CCDC61: variants seen among roughly 807,000 people sequenced by gnomAD.
CCDC61 encodes the protein coiled-coil domain containing 61, also known as centrosomal protein CCDC61.
Under a neutral mutation model 63.0 loss-of-function variants are expected in CCDC61, and 55 were observed. The ratio of observed to expected loss-of-function variants is 0.87; its 90% CI spans 0.70 to 1.09. The LOEUF is 1.09. Among genes scored for constraint, CCDC61 ranks in the 50% least tolerant of loss-of-function variants. CCDC61 has a pLI of 0.00. For synonymous variants in CCDC61, 270 were observed against 317.0 expected (o/e 0.85, Z 1.58); for missense variants, 651 against 731.4 (o/e 0.89, Z 1.27).
intron 3 of CCDC61, among the ~76,000 whole-genome samples, chr19:46,003,989 A>T (rs571424617): frequency 6.6e-6 from 1 of 151,814 alleles, no homozygotes; most frequent in Admixed American, 6.6e-5. Context: ...CCCAGGCTGG[A>T]GTGCAGTGGC....
chr19:46,016,401 C>A lies in CCDC61; in HGVS notation c.1091+8C>A. ...GAGAGAGATCCAGATGAAGTCAGTGCCCCTTCCTCCCTCACCTGCCCCTGT... is the reference window on the plus strand; with the variant it reads ...GAGAGAGATCCAGATGAAGTCAGTGACCCTTCCTCCCTCACCTGCCCCTGT... On this transcript the variant is annotated splice_region_variant and intron_variant, in intron 9 of 13. Transcript: ENST00000595358. This position sits in a 1 kb window ranked among gnomAD's most constrained non-coding sequence, Gnocchi z 7.2. The A allele has an allele frequency of 6.2e-7, 1 of 1,613,180 alleles. No individual in the cohort carries two copies. Among genetic ancestry groups the A allele is most frequent in the Non-Finnish European group, 8.5e-7 (1 of 1,179,630 alleles).
intron 1 of CCDC61, among the ~76,000 whole-genome samples, chr19:46,001,616 A>C (rs1258597700): frequency 6.6e-6 from 1 of 152,250 alleles, no homozygotes; most frequent in African/African-American, 2.4e-5. Context: ...GGGGTCCCCG[A>C]ATTCATCAGC....
chr19:45,997,450 G>C (rs1968514599), intron 1 of CCDC61, among the ~76,000 whole-genome samples: 1 of 152,078 alleles, frequency 6.6e-6, no homozygotes, highest in Non-Finnish European at 1.5e-5. Context: ...GAGTGCAGTG[G>C]CGCGATCTCG....
At position 46,008,378 on chromosome 19, in the gene CCDC61, T is replaced by C. The variant is rs1032149081; in HGVS notation, c.551+77T>C. Reference sequence around the variant, plus strand: ...GCACCGCGGGGCCCATGCTCGGTCCTGTGGGGAGGATGACTGTCCTTCGCC... The same window carrying C: ...GCACCGCGGGGCCCATGCTCGGTCCCGTGGGGAGGATGACTGTCCTTCGCC... On this transcript the variant is annotated intron_variant, in intron 5 of 13. Coordinates refer to ENST00000595358, the MANE Select transcript of CCDC61 (RefSeq NM_001267723.2). The C allele has an allele frequency of 5.3e-6, 6 of 1,132,742 alleles. No homozygotes were observed. In the African/African-American group the frequency reaches 6.2e-5, roughly 12 times the overall value. 70.2% of individuals were successfully genotyped at this position (1,132,742 alleles called of 1,614,324 possible).
intron 3 of CCDC61, among the ~76,000 whole-genome samples, chr19:46,005,427 T>C (rs989943805): frequency 6.6e-6 from 1 of 152,094 alleles, no homozygotes; most frequent in African/African-American, 2.4e-5. Context: ...TGTATGGATA[T>C]TTTTTTACCT....
Position 46,003,147 on chromosome 19 carries a change from G to A in CCDC61, c.129G>A (p.Arg43=). ...ACCGGATGACGGCTGACCAGTGGCG[G>A]GGCGAGTTCGATGCTGGCTGTGAGT... ...VEDRMTADQW[R]GEFDAGFIED... The change falls in exon 2 of 14, where the codon CGG becomes CGA. Residue 43 remains arginine, a synonymous_variant. Transcript: ENST00000595358. 1 of 1,610,628 alleles carries A rather than the reference G, an allele frequency of 6.2e-7. No individual in the cohort carries two copies. Among genetic ancestry groups the A allele is most frequent in the Non-Finnish European group, 8.5e-7 (1 of 1,178,382 alleles).
At chr19:45,996,634 A>G (rs1330982417) in intron 1 of CCDC61, among the ~76,000 whole-genome samples, 1 of 152,124 alleles carries the variant, frequency 6.6e-6, no homozygotes, top group Non-Finnish European at 1.5e-5. Flanking sequence ...TCGTGACCTC[A>G]GGTGATCCAC....
intron 1 of CCDC61, among the ~76,000 whole-genome samples, chr19:45,997,603 G>C (rs12608995): frequency 0.36 from 54,744 of 151,658 alleles, 10,167 homozygotes; most frequent in East Asian, 0.55. Flanking sequence ...GTTGGCCAGG[G>C]TGGTCTCAAA....
chr19:46,007,492 A>G (rs34261409), intron 4 of CCDC61, among the ~76,000 whole-genome samples: 16,618 of 152,152 alleles, frequency 0.11, 967 homozygotes, highest in South Asian at 0.19. Context: ...CAGGAAAAAA[A>G]AAAGTGTTCC....
intron 1 of CCDC61, among the ~76,000 whole-genome samples, chr19:45,996,591 G>A (rs1186294199): frequency 2.6e-5 from 4 of 152,108 alleles, no homozygotes; most frequent in Non-Finnish European, 5.9e-5. Context: ...GTAGAGAAGG[G>A]GTTTCACTAT....
chr19:46,016,615 G>T lies in CCDC61; in HGVS notation c.1092-79G>T, dbSNP rs530327465. ...ACCTCAGGCTTTCGCTGGCGTGGCT[G>T]TGACCTTTAGGGGCGCAGTGACCCC... On this transcript the variant is annotated intron_variant, in intron 9 of 13. Transcript: ENST00000595358. This position sits in a 1 kb window ranked among gnomAD's most constrained non-coding sequence, Gnocchi z 7.2. 6.4e-6 allele frequency: 10 copies of T among 1,573,784 alleles called. No individual in the cohort carries two copies. The highest frequency in any genetic ancestry group is 8.6e-6 in the Non-Finnish European group (10 of 1,159,338).
intron 1 of CCDC61, among the ~76,000 whole-genome samples, chr19:45,999,185 G>T (rs574419798): frequency 6.6e-6 from 1 of 152,172 alleles, no homozygotes; most frequent in Non-Finnish European, 1.5e-5. Context: ...GTGGGAGAGG[G>T]AGTTGATGCC....
At chr19:46,014,142 T>A (rs1490450118) in intron 5 of CCDC61, among the ~76,000 whole-genome samples, 1 of 152,072 alleles carries the variant, frequency 6.6e-6, no homozygotes, top group East Asian at 1.9e-4. Context: ...TTTTAAAAAA[T>A]TATTTTTACT....
In CCDC61 at chr19:46,016,516, C is replaced by T; in HGVS notation, c.1091+123C>T. The T allele has an allele frequency of 2.2e-6, 3 of 1,380,302 alleles. No individual in the cohort carries two copies. Among genetic ancestry groups the T allele is most frequent in the Non-Finnish European group, 3.0e-6 (3 of 999,230 alleles). 85.5% of individuals were successfully genotyped at this position (1,380,302 alleles called of 1,614,324 possible). A position where few individuals can be genotyped will look rare whatever the true frequency, so the allele number is the denominator to read the frequency against. On this transcript the variant is annotated intron_variant, in intron 9 of 13. Coordinates refer to ENST00000595358, the MANE Select transcript of CCDC61 (RefSeq NM_001267723.2). The surrounding 1 kb of genome is among the most constrained non-coding windows in gnomAD (Gnocchi z 7.2). ...CACCTGCTCGCTTCTCGCCGGATAC[C>T]CCGCCTGCTCTCCCTTCCGTCCGTC...
rs922548506 is a variant in CCDC61, at chr19:46,018,416, C to A, written c.*29C>A. The A allele has an allele frequency of 1.3e-6, 2 of 1,527,628 alleles. No homozygotes were observed. Among genetic ancestry groups the A allele is most frequent in the Non-Finnish European group, 8.9e-7 (1 of 1,125,576 alleles). The allele number at this position is 1,527,628 out of a possible 1,614,324, so 94.6% of individuals were successfully genotyped here. ...GGAGAAGGGGTACTACCCCTCCATC[C>A]CCCACCCACTTGCTGGGTATGGTGT... On this transcript the variant is annotated 3_prime_UTR_variant, in exon 14 of 14. Transcript: ENST00000595358. The surrounding 1 kb of genome is among the most constrained non-coding windows in gnomAD (Gnocchi z 4.2).
At chr19:46,000,009 C>A (rs943633722) in intron 1 of CCDC61, 1 of 984,710 alleles carries the variant, frequency 1.0e-6, no homozygotes. Context: ...ATGAAATCAG[C>A]CACCAGGATG....
chr19:46,013,982 GAT>G (rs559723587), intron 5 of CCDC61, among the ~76,000 whole-genome samples: 18 of 152,042 alleles, frequency 1.2e-4, no homozygotes, highest in Non-Finnish European at 1.6e-4. Context: ...CACCAACTTT[GAT>G]ATAGAGTTAG....
rs1301652963 is a variant in CCDC61, at chr19:46,016,367, A to G, written c.1065A>G (p.Glu355=). 1.9e-6 allele frequency: 3 copies of G among 1,613,918 alleles called. No homozygotes were observed. The highest frequency in any genetic ancestry group is 2.5e-6 in the Non-Finnish European group (3 of 1,179,844). ...CCACGGCCTTTGTGAAAGCCAAGGAAAGGAAGCAGAGAGAGATCCAGATGA... is the reference window on the plus strand; with the variant it reads ...CCACGGCCTTTGTGAAAGCCAAGGAGAGGAAGCAGAGAGAGATCCAGATGA... The part of the protein sequence containing the change: ...FDPTAFVKAK[E]RKQREIQMKQ... Residue 355 remains glutamate (E), a synonymous_variant, in exon 9 of 14, where the codon GAA becomes GAG. Transcript: ENST00000595358. This position sits in a 1 kb window ranked among gnomAD's most constrained non-coding sequence, Gnocchi z 7.2.
intron 2 of CCDC61, 88 bp from the exon 3 acceptor site, chr19:46,003,331 G>C: frequency 6.9e-7 from 1 of 1,445,912 alleles, no homozygotes; most frequent in South Asian, 1.2e-5. Context: ...AGAGACACTG[G>C]AGTCGGGTAG....
Sources: gnomAD v4.1 joint callset for allele counts (sites outside exome capture counted in the v4.1 genomes callset) on GRCh38, gnomAD v4.1.1 for gene constraint, Gnocchi (gnomAD v3.1) non-coding constraint, MANE v1.5 for transcripts, NCBI Gene and HGNC (gene_info 2026-07-23, HGNC 2026-07-21) for gene names.